HBB: variants seen among roughly 807,000 people sequenced by gnomAD.
HBB encodes Hb Monza protein.
Under a neutral mutation model 9.7 loss-of-function variants are expected in HBB, and 18 were observed. The observed-to-expected ratio is 1.86, with a 90% CI of 1.28 to 2.76. The LOEUF (loss-of-function observed/expected upper bound fraction) is 2.76. Among genes scored for constraint, HBB ranks in the 30% most tolerant of loss-of-function variants. The probability of loss-of-function intolerance (pLI) is 0.00; values close to 1 mark genes in which losing one functional copy is unlikely to be tolerated. For missense variants in HBB, 156 were observed against 177.0 expected, an observed-to-expected ratio of 0.88 and a Z score of 0.67; for synonymous variants, 99 against 73.6, an observed-to-expected ratio of 1.35 and a Z score of -1.77.
chr11:5,225,848 T>C (rs533807852), intron 2 of HBB, 122 bp from the exon 3 acceptor site: 1 of 925,674 alleles, frequency 1.1e-6, no homozygotes, highest in South Asian at 1.4e-5. Flanking sequence ...TTGTAGCTGC[T>C]ATTAGCAATA....
Position 5,225,767 on chromosome 11 carries a change from AG to A in HBB, c.316-42del, listed in dbSNP as rs746631999. 13 of 1,610,790 alleles carry A rather than the reference AG, an allele frequency of 8.1e-6. No individual in the cohort carries two copies. Among genetic ancestry groups the A allele is most frequent in the Non-Finnish European group, 1.1e-5 (13 of 1,177,072 alleles). ...AAGAGGTATGAACATGATTAGCAAAAGGGCCTAGCTTGGACTCAGAATAATC... is the reference window on the plus strand; with the variant it reads ...AAGAGGTATGAACATGATTAGCAAAAGGCCTAGCTTGGACTCAGAATAATC... On this transcript the variant is annotated intron_variant, in intron 2 of 2. Transcript: ENST00000335295.
Position 5,226,368 on chromosome 11 carries a change from AAAAAG to A in HBB, c.315+204_315+208del, listed in dbSNP as rs892829819. The A allele has an allele frequency of 2.3e-4, 140 of 616,822 alleles. No homozygotes were observed. Among genetic ancestry groups the A allele is most frequent in the Non-Finnish European group, 1.3e-4 (46 of 352,338 alleles). The allele number at this position is 616,822 out of a possible 1,614,324, so 38.2% of individuals were successfully genotyped here. The stretch of plus-strand genomic sequence containing the variant: ...ATAGTAAAAATTGCGGAGAAGAAAA[AAAAAG>A]AAAGCAAGAATTAAACAAAAGAAAA... On this transcript the variant is annotated intron_variant, in intron 2 of 2. Coordinates refer to ENST00000335295, the MANE Select transcript of HBB (RefSeq NM_000518.5).
intron 2 of HBB, chr11:5,226,296 CAG>C: frequency 1.8e-6 from 1 of 566,110 alleles, no homozygotes; most frequent in Non-Finnish European, 3.1e-6. Context: ...TAATGTATCT[CAG>C]AGATATTTCC....
chr11:5,226,512 C>G (rs1847548262), intron 2 of HBB, 65 bp downstream of exon 2: 1 of 1,445,770 alleles, frequency 6.9e-7, no homozygotes. Flanking sequence ...TATCCCCTTC[C>G]TATGACATGA....
intron 2 of HBB, chr11:5,226,335 TA>T: frequency 1.7e-6 from 1 of 599,710 alleles, no homozygotes; most frequent in East Asian, 2.8e-5. Flanking sequence ...GTTAAGGCAT[TA>T]AGTATAATAG....
rs33918131 is a variant in HBB, at chr11:5,226,993, G to C, written c.29C>G (p.Ser10Cys). Reference sequence around the variant, plus strand: ...CTTGCCCCACAGGGCAGTAACGGCAGACTTCTCCTCAGGAGTCAGATGCAC... The same window carrying C: ...CTTGCCCCACAGGGCAGTAACGGCACACTTCTCCTCAGGAGTCAGATGCAC... MVHLTPEEK[S>C]AVTALWGKVN... The change falls in exon 1 of 3, where the codon TCT becomes TGT. Residue 10 changes from serine to cysteine, a missense_variant. By Grantham distance (112) the Ser-to-Cys change is moderately radical (BLOSUM62 -1). Coordinates refer to ENST00000335295, the MANE Select transcript of HBB (RefSeq NM_000518.5). 2 of 1,613,188 alleles carry C rather than the reference G, an allele frequency of 1.2e-6. No homozygotes were observed. The highest frequency in any genetic ancestry group is 8.5e-7 in the Non-Finnish European group (1 of 1,179,144).
At position 5,226,865 on chromosome 11, in the gene HBB, C is replaced by T; in HGVS notation, c.92+65G>A. The stretch of plus-strand genomic sequence containing the variant: ...TGCCTATCAGAAACCCAAGAGTCTT[C>T]TCTGTCTCCACATGCCCAGTTTCTA... On this transcript the variant is annotated intron_variant, in intron 1 of 2. Transcript: ENST00000335295. 2 of 1,593,374 alleles carry T rather than the reference C, an allele frequency of 1.3e-6. No individual in the cohort carries two copies. The highest frequency in any genetic ancestry group is 1.7e-6 in the Non-Finnish European group (2 of 1,161,198).
chr11:5,226,784 G>A lies in HBB; in HGVS notation c.108C>T (p.Tyr36=), dbSNP rs33982568. The A allele has an allele frequency of 6.8e-6, 11 of 1,614,142 alleles. No homozygotes were observed. Among genetic ancestry groups the A allele is most frequent in the East Asian group, 6.7e-5 (3 of 44,876 alleles). The change falls in exon 2 of 3, where the codon TAC becomes TAT. Residue 36 remains tyrosine, a synonymous_variant. Transcript: ENST00000335295. ...GEALGRLLVV[Y]PWTQRFFESF... ...ACTCAAAGAACCTCTGGGTCCAAGGGTAGACCACCAGCAGCCTAAGGGTGG... is the reference window on the plus strand; with the variant it reads ...ACTCAAAGAACCTCTGGGTCCAAGGATAGACCACCAGCAGCCTAAGGGTGG...
In HBB at chr11:5,225,702, C is replaced by T. The variant is rs34400584; in HGVS notation, c.340G>A (p.Val114Met). 6.2e-7 allele frequency: 1 copy of T among 1,614,082 alleles called. No homozygotes were observed. The highest frequency in any genetic ancestry group is 1.1e-5 in the South Asian group (1 of 91,072). ...TCTTTGCCAAAGTGATGGGCCAGCA[C>T]ACAGACCAGCACGTTGCCCAGGAGC... ...FRLLGNVLVC[V>M]LAHHFGKEFT... Residue 114 changes from valine (V) to methionine (M), a missense_variant, in exon 3 of 3, where the codon GTG (valine) becomes ATG (methionine). Transcript: ENST00000335295.
intron 2 of HBB, among the ~76,000 whole-genome samples, chr11:5,225,947 T>C (rs1213571397): frequency 6.6e-6 from 1 of 152,190 alleles, no homozygotes; most frequent in East Asian, 1.9e-4. Context: ...ATTATCACTG[T>C]TATTCTTTAG....
chr11:5,226,838 A>T (rs750275131), intron 1 of HBB, 39 bp from the exon 2 acceptor site: 2 of 1,589,552 alleles, frequency 1.3e-6, no homozygotes, highest in South Asian at 1.1e-5. Flanking sequence ...AGAGAGAGTC[A>T]GTGCCTATCA....
Position 5,226,961 on chromosome 11 carries a change from C to G in HBB, c.61G>C (p.Val21Leu), listed in dbSNP as rs35890959. The change falls in exon 1 of 3, where the codon GTG (valine) becomes CTG (leucine). Residue 21 changes from valine (V) to leucine (L), a missense_variant. By Grantham distance (32) the Val-to-Leu change is conservative (BLOSUM62 1). Transcript: ENST00000335295. ...AGGGCCTCACCACCAACTTCATCCACGTTCACCTTGCCCCACAGGGCAGTA... is the reference window on the plus strand; with the variant it reads ...AGGGCCTCACCACCAACTTCATCCAGGTTCACCTTGCCCCACAGGGCAGTA... Reference protein sequence around the residue: ...AVTALWGKVNVDEVGGEALGR... With the variant: ...AVTALWGKVNLDEVGGEALGR... 6.2e-7 allele frequency: 1 copy of G among 1,613,920 alleles called. No homozygotes were observed. The highest frequency in any genetic ancestry group is 8.5e-7 in the Non-Finnish European group (1 of 1,179,766).
rs33952266 is a variant in HBB, at chr11:5,225,727, C to T, written c.316-1G>A. 1.2e-6 allele frequency: 2 copies of T among 1,614,036 alleles called. No homozygotes were observed. The highest frequency in any genetic ancestry group is 1.7e-6 in the Non-Finnish European group (2 of 1,179,966). On this transcript the variant is annotated splice_acceptor_variant, in intron 2 of 2. Coordinates refer to ENST00000335295, the MANE Select transcript of HBB (RefSeq NM_000518.5). LOFTEE classifies it high-confidence loss of function. Reference sequence around the variant, plus strand: ...CACAGACCAGCACGTTGCCCAGGAGCTGTGGGAGGAAGATAAGAGGTATGA... The same window carrying T: ...CACAGACCAGCACGTTGCCCAGGAGTTGTGGGAGGAAGATAAGAGGTATGA...
Position 5,225,745 on chromosome 11 carries a change from A to T in HBB, c.316-19T>A, listed in dbSNP as rs191535077. The stretch of plus-strand genomic sequence containing the variant: ...CCAGGAGCTGTGGGAGGAAGATAAG[A>T]GGTATGAACATGATTAGCAAAAGGG... On this transcript the variant is annotated intron_variant, in intron 2 of 2. Transcript: ENST00000335295. The T allele has an allele frequency of 3.5e-4, 565 of 1,613,658 alleles. No individual in the cohort carries two copies. The highest frequency in any genetic ancestry group is 4.5e-4 in the Non-Finnish European group (530 of 1,179,618).
rs915743646 is a variant in HBB at position 5,226,408 on chromosome 11, T to C, written c.315+169A>G. ...ATTAAACAAAAGAAAACAATTGTTA[T>C]GAACAGCAAATAAAAGAAACTAAAA... On this transcript the variant is annotated intron_variant, in intron 2 of 2. Transcript: ENST00000335295. 3.0e-5 allele frequency: 20 copies of C among 675,068 alleles called. No individual in the cohort carries two copies. Among genetic ancestry groups the C allele is most frequent in the Admixed American group, 5.4e-5 (2 of 36,748 alleles). 41.8% of individuals were successfully genotyped at this position (675,068 alleles called of 1,614,324 possible). A position where few individuals can be genotyped will look rare whatever the true frequency, so the allele number is the denominator to read the frequency against.
rs747545656 is a variant in HBB, at chr11:5,227,031, T to C, written c.-10A>G. 5.1e-6 allele frequency: 8 copies of C among 1,559,692 alleles called. No individual in the cohort carries two copies. In the South Asian group the frequency reaches 8.9e-5, roughly 17 times the overall value. On this transcript the variant is annotated 5_prime_UTR_variant, in exon 1 of 3. Coordinates refer to ENST00000335295, the MANE Select transcript of HBB (RefSeq NM_000518.5). The stretch of plus-strand genomic sequence containing the variant: ...GAGTCAGATGCACCATGGTGTCTGT[T>C]TGAGGTTGCTAGTGAACACAGTTGT...
In HBB at chr11:5,225,545, G is replaced by T. The variant is rs886048393; in HGVS notation, c.*53C>A. On this transcript the variant is annotated 3_prime_UTR_variant, in exon 3 of 3. Coordinates refer to ENST00000335295, the MANE Select transcript of HBB (RefSeq NM_000518.5). ...ATAATATCCCCCAGTTTAGTAGTTG[G>T]ACTTAGGGAACAAAGGAACCTTTAA... is the stretch of plus-strand genomic sequence containing the variant. 3 of 1,588,354 alleles carry T rather than the reference G, an allele frequency of 1.9e-6. No individual in the cohort carries two copies. The highest frequency in any genetic ancestry group is 3.3e-5 in the Admixed American group (2 of 59,970).
chr11:5,225,503 G>C lies in HBB; in HGVS notation c.*95C>G. On this transcript the variant is annotated 3_prime_UTR_variant, in exon 3 of 3. Coordinates refer to ENST00000335295, the MANE Select transcript of HBB (RefSeq NM_000518.5). ...AATGTTTTTTATTAGGCAGAATCCA[G>C]ATGCTCAAGGCCCTTCATAATATCC... The C allele has an allele frequency of 8.8e-7, 1 of 1,141,894 alleles. No homozygotes were observed. The highest frequency in any genetic ancestry group is 1.3e-6 in the Non-Finnish European group (1 of 749,512). The allele number at this position is 1,141,894 out of a possible 1,614,324, so 70.7% of individuals were successfully genotyped here.
chr11:5,225,782 C>A lies in HBB; in HGVS notation c.316-56G>T, dbSNP rs2133586502. On this transcript the variant is annotated intron_variant, in intron 2 of 2. Coordinates refer to ENST00000335295, the MANE Select transcript of HBB (RefSeq NM_000518.5). ...GATTAGCAAAAGGGCCTAGCTTGGA[C>A]TCAGAATAATCCAGCCTTATCCCAA... The A allele has an allele frequency of 6.3e-7, 1 of 1,591,624 alleles. No individual in the cohort carries two copies. Among genetic ancestry groups the A allele is most frequent in the Non-Finnish European group, 8.6e-7 (1 of 1,159,802 alleles).
Sources: gnomAD v4.1 joint callset for allele counts (sites outside exome capture counted in the v4.1 genomes callset) on GRCh38, gnomAD v4.1.1 for gene constraint, MANE v1.5 for transcripts, NCBI Gene and HGNC (gene_info 2026-07-23, HGNC 2026-07-21) for gene names.